The following DNAJB13 variants were observed in gnomAD, a reference collection of about 807,000 sequenced individuals.
DNAJB13 encodes dnaJ homolog subfamily B member 13.
Under a neutral mutation model 35.6 loss-of-function variants are expected in DNAJB13, and 22 were observed. The ratio of observed to expected loss-of-function variants is 0.62; its 90% CI spans 0.44 to 0.88. DNAJB13 has a LOEUF of 0.88. Among genes scored for constraint, DNAJB13 ranks in the 40% least tolerant of loss-of-function variants. The pLI, the probability that DNAJB13 is intolerant of heterozygous loss-of-function variation, is 0.00. For missense variants in DNAJB13, 370 were observed against 384.3 expected (o/e 0.96, Z 0.31); for synonymous variants, 136 against 144.2 (o/e 0.94, Z 0.41).
At chr11:73,962,190 G>A (rs1357564206) in intron 3 of DNAJB13, among the ~76,000 whole-genome samples, 1 of 152,120 alleles carries the variant, frequency 6.6e-6, no homozygotes, top group East Asian at 1.9e-4. Context: ...TGTCTCTTTT[G>A]CAGTTAAAAC....
At chr11:73,965,119 C>A in intron 4 of DNAJB13, 84 bp downstream of exon 4, 1 of 1,394,094 alleles carries the variant, frequency 7.2e-7, no homozygotes, top group Non-Finnish European at 9.7e-7. Context: ...GGTGGGAGGA[C>A]TCAGGGATGG....
At chr11:73,958,597 G>T (rs1434979799) in intron 2 of DNAJB13, among the ~76,000 whole-genome samples, 177 bp downstream of exon 2, 1 of 152,242 alleles carries the variant, frequency 6.6e-6, no homozygotes, top group Non-Finnish European at 1.5e-5. Context: ...AGCAAGCTGA[G>T]GTGGAGGACG....
At chr11:73,963,294 G>A (rs1169274180) in intron 3 of DNAJB13, among the ~76,000 whole-genome samples, 3 of 151,374 alleles carry the variant, frequency 2.0e-5, no homozygotes, top group Non-Finnish European at 4.4e-5. Flanking sequence ...GTGGTGAGCC[G>A]AGATTGCGCC....
chr11:73,960,392 G>C (rs1223098917), intron 3 of DNAJB13, among the ~76,000 whole-genome samples: 1 of 152,176 alleles, frequency 6.6e-6, no homozygotes, highest in Non-Finnish European at 1.5e-5. Flanking sequence ...ATGTCTGCCA[G>C]GCTGGTCTTG....
chr11:73,968,525 A>C, intron 6 of DNAJB13, 67 bp downstream of exon 6: 2 of 1,383,498 alleles, frequency 1.4e-6, no homozygotes, highest in Non-Finnish European at 2.0e-6. Context: ...CCCGGCCTAG[A>C]CTTGGCCTCC....
rs770415081 is a variant in DNAJB13, at chr11:73,964,935, G to T, written c.392G>T (p.Arg131Leu). 1 of 1,613,602 alleles carries T rather than the reference G, an allele frequency of 6.2e-7. No homozygotes were observed. The highest frequency in any genetic ancestry group is 8.5e-7 in the Non-Finnish European group (1 of 1,179,936). Reference sequence around the variant, plus strand: ...TTGAACTTTGGGGGGCTCCAGGGCCGAGGGGTCAAGAAGCAGGACCCCCAA... The same window carrying T: ...TTGAACTTTGGGGGGCTCCAGGGCCTAGGGGTCAAGAAGCAGGACCCCCAA... ...VDLNFGGLQGRGVKKQDPQVE... is the reference protein window; with the variant it reads ...VDLNFGGLQGLGVKKQDPQVE... The change falls in exon 4 of 8, where the codon CGA becomes CTA. Residue 131 changes from arginine (R) to leucine (L), a missense_variant. Physicochemically the swap from Arg to Leu is moderately radical, Grantham distance 102. Transcript: ENST00000339764.
intron 3 of DNAJB13, among the ~76,000 whole-genome samples, chr11:73,963,055 G>T (rs754799681): frequency 2.0e-5 from 3 of 152,102 alleles, no homozygotes; most frequent in East Asian, 3.9e-4. Context: ...GCCGGGCATG[G>T]TGGCTCACAC....
At chr11:73,951,990 C>T (rs555348985) in intron 1 of DNAJB13, among the ~76,000 whole-genome samples, 2 of 152,210 alleles carry the variant, frequency 1.3e-5, no homozygotes, top group East Asian at 1.9e-4. Flanking sequence ...GAGCGTCTAC[C>T]ACAAGGGTTG....
At chr11:73,951,874 G>C (rs1436527555) in intron 1 of DNAJB13, among the ~76,000 whole-genome samples, 11 of 152,078 alleles carry the variant, frequency 7.2e-5, no homozygotes, top group Non-Finnish European at 1.6e-4. Flanking sequence ...TCAAATTCCC[G>C]ACCTCTGGTG....
At chr11:73,958,447 C>T (rs1179827250) in intron 2 of DNAJB13, 27 bp downstream of exon 2, 1 of 1,595,918 alleles carries the variant, frequency 6.3e-7, no homozygotes. Context: ...CTGAGCACCC[C>T]GCTTGATTAG....
chr11:73,968,092 C>T (rs1358857059), intron 5 of DNAJB13: 12 of 496,252 alleles, frequency 2.4e-5, no homozygotes, highest in African/African-American at 9.7e-5. Flanking sequence ...GAAGCCTCTC[C>T]GCCCCTCCAG....
chr11:73,956,814 A>AG (rs1950755991), intron 1 of DNAJB13, among the ~76,000 whole-genome samples: 1 of 151,780 alleles, frequency 6.6e-6, no homozygotes, highest in Non-Finnish European at 1.5e-5. Context: ...AAAAAAAAAA[A>AG]AAAAAAAAAG....
chr11:73,968,655 G>A (rs1951193328), intron 6 of DNAJB13, among the ~76,000 whole-genome samples, 197 bp downstream of exon 6: 1 of 152,186 alleles, frequency 6.6e-6, no homozygotes, highest in Admixed American at 6.5e-5. Context: ...GATCTGCGCA[G>A]CAGGCCTTCC....
chr11:73,963,625 G>A (rs1290117108), intron 3 of DNAJB13: 1 of 152,282 alleles, frequency 6.6e-6, no homozygotes, highest in Non-Finnish European at 1.5e-5. Context: ...GGTGTTTACT[G>A]CCTGGTACAC....
rs757230313 is a variant in DNAJB13, at chr11:73,959,477, G to A, written c.173-17G>A. 9 of 1,611,492 alleles carry A rather than the reference G, an allele frequency of 5.6e-6. No homozygotes were observed. Among genetic ancestry groups the A allele is most frequent in the South Asian group, 4.4e-5 (4 of 90,780 alleles). On this transcript the variant is annotated splice_polypyrimidine_tract_variant and intron_variant, in intron 2 of 7. Transcript: ENST00000339764. Reference sequence around the variant, plus strand: ...CCCCAAAGTTGGACACCTCCTTAAGGTGATGCCCATCCACAGCCATGAAGA... The same window carrying A: ...CCCCAAAGTTGGACACCTCCTTAAGATGATGCCCATCCACAGCCATGAAGA...
chr11:73,962,048 C>T (rs1950946861), intron 3 of DNAJB13, among the ~76,000 whole-genome samples: 2 of 152,196 alleles, frequency 1.3e-5, no homozygotes, highest in South Asian at 4.1e-4. Context: ...CTGCGTCATC[C>T]TCCCAAAGTG....
chr11:73,951,181 G>C, intron 1 of DNAJB13, 44 bp downstream of exon 1: 1 of 1,608,316 alleles, frequency 6.2e-7, no homozygotes, highest in Non-Finnish European at 8.5e-7. Context: ...TGCTGGGGCA[G>C]GCCCTGCCCT....
intron 6 of DNAJB13, among the ~76,000 whole-genome samples, chr11:73,968,725 G>C (rs1951196332): frequency 6.6e-6 from 1 of 152,140 alleles, no homozygotes. Context: ...ACACTCATCA[G>C]ACCCTGCCAC....
rs747168118 is a variant in DNAJB13 at position 73,959,666 on chromosome 11, T to C, written c.334+11T>C. The stretch of plus-strand genomic sequence containing the variant: ...ACAACCCCTTCAGTGGTAAGAGGTC[T>C]TCCTCCCCCACCTTGCCTTATAGAG... On this transcript the variant is annotated intron_variant, in intron 3 of 7. Transcript: ENST00000339764. 1 of 1,610,900 alleles carries C rather than the reference T, an allele frequency of 6.2e-7. No individual in the cohort carries two copies. The highest frequency in any genetic ancestry group is 8.5e-7 in the Non-Finnish European group (1 of 1,177,790).
Sources: allele counts gnomAD v4.1 joint callset (sites outside exome capture counted in the v4.1 genomes callset), GRCh38; gene constraint gnomAD v4.1.1; transcripts MANE v1.5; gene names NCBI Gene and HGNC (gene_info 2026-07-23, HGNC 2026-07-21).